NR3C2: variants seen among roughly 807,000 people sequenced by gnomAD.
The protein encoded by NR3C2 is nuclear receptor subfamily 3 group C member 2, also known as mineralocorticoid receptor.
Under a neutral mutation model 86.4 loss-of-function variants are expected in NR3C2, and 15 were observed. The ratio of observed to expected loss-of-function variants is 0.17; its 90% CI spans 0.12 to 0.27. The LOEUF (loss-of-function observed/expected upper bound fraction) is 0.27, where lower values mean the gene tolerates loss of function less well. Ranked by LOEUF, NR3C2 falls within the 10% of genes least tolerant of loss-of-function variation. NR3C2 has a pLI of 1.00. For missense variants in NR3C2, 960 were observed against 1,195.6 expected (o/e 0.80, Z 2.91); for synonymous variants, 458 against 450.5 (o/e 1.02, Z -0.21).
At chr4:148,138,310 G>A (rs1226784581) in intron 6 of NR3C2, among the ~76,000 whole-genome samples, 1 of 152,198 alleles carries the variant, frequency 6.6e-6, no homozygotes, top group Non-Finnish European at 1.5e-5. Flanking sequence ...TTTAAAATAT[G>A]AACCAAAGTT....
rs1730482255 is a variant in NR3C2, at chr4:148,080,276, A to G, written c.*1068T>C. 6.6e-6 allele frequency: 1 copy of G among 152,640 alleles called. No homozygotes were observed. Among genetic ancestry groups the G allele is most frequent in the Non-Finnish European group, 1.5e-5 (1 of 68,052 alleles). 9.5% of individuals were successfully genotyped at this position (152,640 alleles called of 1,614,324 possible). A position where few individuals can be genotyped will look rare whatever the true frequency, so the allele number is the denominator to read the frequency against. ...CAAGCGGGAGACCAAGAACAAAACA[A>G]AAAGTACAGAAAAAGTAGAAAGGTT... On this transcript the variant is annotated 3_prime_UTR_variant, in exon 9 of 9. Transcript: ENST00000358102.
intron 2 of NR3C2, among the ~76,000 whole-genome samples, chr4:148,403,131 CA>C (rs1166234581): frequency 6.6e-6 from 1 of 151,892 alleles, no homozygotes; most frequent in African/African-American, 2.4e-5. Context: ...GTGTATTACC[CA>C]AATAGTCTAA....
chr4:148,099,873 TG>T (rs1414110187), intron 8 of NR3C2, among the ~76,000 whole-genome samples: 1 of 152,176 alleles, frequency 6.6e-6, no homozygotes, highest in African/African-American at 2.4e-5. Context: ...GGACCTTCAG[TG>T]GTTTTTTTCT....
intron 4 of NR3C2, among the ~76,000 whole-genome samples, chr4:148,162,053 CTT>C (rs1166462099): frequency 6.6e-6 from 1 of 152,162 alleles, no homozygotes; most frequent in African/African-American, 2.4e-5. Flanking sequence ...GACCAGGACA[CTT>C]TGCTGTATGG....
chr4:148,411,226 A>G (rs1457323842), intron 2 of NR3C2, among the ~76,000 whole-genome samples: 2 of 152,096 alleles, frequency 1.3e-5, no homozygotes. Context: ...ATTGGTAGCA[A>G]ATCATCCTGG....
At chr4:148,294,792 C>T (rs1256839856) in intron 2 of NR3C2, among the ~76,000 whole-genome samples, 2 of 151,428 alleles carry the variant, frequency 1.3e-5, no homozygotes, top group African/African-American at 4.9e-5. Flanking sequence ...GCTTGGGCAA[C>T]ACAGCAAGAC....
intron 2 of NR3C2, among the ~76,000 whole-genome samples, chr4:148,308,602 TG>T (rs1742755756): frequency 6.6e-6 from 1 of 151,898 alleles, no homozygotes; most frequent in South Asian, 2.1e-4. Context: ...AGGGGGCAAT[TG>T]GGGAGAGATT....
At chr4:148,432,533 C>A (rs72953973) in intron 2 of NR3C2, among the ~76,000 whole-genome samples, 3,049 of 152,124 alleles carry the variant, frequency 0.02, 87 homozygotes, top group African/African-American at 0.069. Context: ...TCTCAGGAAC[C>A]CTCAAACCAT....
At chr4:148,427,247 C>T (rs1304263103) in intron 2 of NR3C2, among the ~76,000 whole-genome samples, 1 of 152,042 alleles carries the variant, frequency 6.6e-6, no homozygotes, top group Non-Finnish European at 1.5e-5. Context: ...CCTGGCTGAT[C>T]TCTTCATTTC....
intron 2 of NR3C2, among the ~76,000 whole-genome samples, chr4:148,398,209 A>C (rs1747958954): frequency 6.6e-6 from 1 of 152,260 alleles, no homozygotes; most frequent in Non-Finnish European, 1.5e-5. Flanking sequence ...AAATAAGGTC[A>C]CATTCACAGA....
At chr4:148,097,358 A>G (rs1276372056) in intron 8 of NR3C2, among the ~76,000 whole-genome samples, 1 of 152,164 alleles carries the variant, frequency 6.6e-6, no homozygotes, top group African/African-American at 2.4e-5. Flanking sequence ...TTACAAAGTC[A>G]CCTGAACACT....
intron 3 of NR3C2, among the ~76,000 whole-genome samples, chr4:148,233,220 G>A (rs538690799): frequency 2.0e-5 from 3 of 152,272 alleles, no homozygotes; most frequent in East Asian, 1.9e-4. Context: ...TGGTGCAAGA[G>A]GCCTATCTTT....
chr4:148,153,896 A>T (rs1578946809), intron 5 of NR3C2, among the ~76,000 whole-genome samples: 1 of 152,286 alleles, frequency 6.6e-6, no homozygotes, highest in South Asian at 2.1e-4. Context: ...GCCGCTAATA[A>T]TGTGCTCAAC....
rs536518758 is a variant in NR3C2, at chr4:148,127,910, C to A, written c.2511-7622G>T. Among the ~76,000 whole-genome samples the A allele has an allele frequency of 5.9e-5, 9 of 152,282 alleles. No individual in the cohort carries two copies. In the East Asian group the frequency reaches 1.7e-3, roughly 29 times the overall value. On this transcript the variant is annotated intron_variant, in intron 6 of 8. Transcript: ENST00000358102. Reference sequence around the variant, plus strand: ...TTGTACTAAACTAAAATCATATGATCATTTGGAAATAGTTTTAAAATATTA... The same window carrying A: ...TTGTACTAAACTAAAATCATATGATAATTTGGAAATAGTTTTAAAATATTA...
At chr4:148,194,284 C>A (rs1560971224) in intron 4 of NR3C2, among the ~76,000 whole-genome samples, 1 of 152,132 alleles carries the variant, frequency 6.6e-6, no homozygotes, top group Non-Finnish European at 1.5e-5. Flanking sequence ...TTTACCCTCT[C>A]CTCCTCTTTT....
chr4:148,291,420 C>T (rs984591794), intron 2 of NR3C2, among the ~76,000 whole-genome samples: 6 of 151,924 alleles, frequency 3.9e-5, no homozygotes, highest in African/African-American at 1.2e-4. Flanking sequence ...TAGAGAACTG[C>T]TTTGTATGTT....
At chr4:148,261,903 A>T (rs1474804401) in intron 2 of NR3C2, among the ~76,000 whole-genome samples, 1 of 152,260 alleles carries the variant, frequency 6.6e-6, no homozygotes, top group Non-Finnish European at 1.5e-5. Context: ...TTAGAGCATG[A>T]CTGCCTTTCT....
At chr4:148,166,248 G>A (rs72653827) in intron 4 of NR3C2, among the ~76,000 whole-genome samples, 5 of 152,196 alleles carry the variant, frequency 3.3e-5, no homozygotes, top group African/African-American at 1.2e-4. Flanking sequence ...TGCTTCTCCT[G>A]TTTGGATTCC....
At chr4:148,154,485 G>A in intron 5 of NR3C2, 66 bp downstream of exon 5, 1 of 1,431,976 alleles carries the variant, frequency 7.0e-7, no homozygotes, top group South Asian at 1.1e-5. Context: ...GGTTGGAGAT[G>A]GCGAAGTCAG....
Sources: gnomAD v4.1 joint callset for allele counts (sites outside exome capture counted in the v4.1 genomes callset) on GRCh38, gnomAD v4.1.1 for gene constraint, MANE v1.5 for transcripts, NCBI Gene and HGNC (gene_info 2026-07-23, HGNC 2026-07-21) for gene names.